The following PCDHAC1 variants were observed in gnomAD, a reference collection of about 807,000 sequenced individuals.
PCDHAC1 encodes protocadherin alpha-C1.
Under a neutral mutation model 60.0 loss-of-function variants are expected in PCDHAC1, and 42 were observed. The ratio of observed to expected loss-of-function variants is 0.70; its 90% confidence interval spans 0.55 to 0.90. The LOEUF (loss-of-function observed/expected upper bound fraction) is 0.90, where lower values mean the gene tolerates loss of function less well. Among genes scored for constraint, PCDHAC1 ranks in the 40% least tolerant of loss-of-function variants. PCDHAC1 has a pLI of 0.00. For missense variants in PCDHAC1, 1,160 were observed against 1,222.3 expected (o/e 0.95, Z 0.76); for synonymous variants, 468 against 499.3 (o/e 0.94, Z 0.84).
At chr5:140,982,807 G>A (rs2097006971) in intron 3 of PCDHAC1, among the ~76,000 whole-genome samples, 2 of 152,048 alleles carry the variant, frequency 1.3e-5, no homozygotes, top group South Asian at 4.1e-4. Flanking sequence ...GTGTGTGTGT[G>A]TGTATGAAGT....
intron 1 of PCDHAC1, among the ~76,000 whole-genome samples, chr5:140,945,947 A>C (rs2093865061): frequency 6.6e-6 from 1 of 152,132 alleles, no homozygotes; most frequent in Non-Finnish European, 1.5e-5. Flanking sequence ...TTTTTATATG[A>C]CCCTGAAAGC....
chr5:140,988,751 T>C (rs1433769306), intron 3 of PCDHAC1, among the ~76,000 whole-genome samples: 2 of 152,198 alleles, frequency 1.3e-5, no homozygotes, highest in Non-Finnish European at 2.9e-5. Flanking sequence ...ATTGGTGGCC[T>C]GGGCAGAATA....
intron 3 of PCDHAC1, among the ~76,000 whole-genome samples, chr5:140,984,358 A>G (rs1443365008): frequency 1.3e-5 from 2 of 152,234 alleles, no homozygotes; most frequent in Admixed American, 1.3e-4. Flanking sequence ...TATTTCATAC[A>G]TCTGGCCAAG....
rs1554206541 is a variant in PCDHAC1 at position 140,928,989 on chromosome 5, A to T, written c.2097A>T (p.Leu699Phe). Residue 699 changes from leucine (L) to phenylalanine (F), a missense_variant, in exon 1 of 4, where the codon TTA becomes TTT. By Grantham distance (22) the Leu-to-Phe change is conservative. Coordinates refer to ENST00000253807, the MANE Select transcript of PCDHAC1 (RefSeq NM_018898.5). ...TTTCCTTTTTATTTCTGGGGTGCTT[A>T]CTTTTCTTCGTGTGTACCAAGTTGC... ...ACISFLFLGC[L>F]LFFVCTKLHQ... 6.2e-7 allele frequency: 1 copy of T among 1,613,824 alleles called. No homozygotes were observed. Among genetic ancestry groups the T allele is most frequent in the Non-Finnish European group, 8.5e-7 (1 of 1,179,892 alleles).
Position 140,957,818 on chromosome 5 carries a change from A to T in PCDHAC1, c.2434-21131A>T, listed in dbSNP as rs568420954. On this transcript the variant is annotated intron_variant, in intron 1 of 3. Transcript: ENST00000253807. ...GTTAAGTAAAAAAAAGTCACAAATT[A>T]AGAGAAAGTGTTAATTGATTTGAGA... Among the ~76,000 whole-genome samples the T allele has an allele frequency of 9.3e-4, 141 of 151,940 alleles. 1 individual carries two copies. Among genetic ancestry groups the T allele is most frequent in the African/African-American group, 2.9e-3 (121 of 41,526 alleles).
rs782362205 is a variant in PCDHAC1 at position 141,009,960 on chromosome 5, A to G, written c.*23A>G. The G allele has an allele frequency of 6.3e-7, 1 of 1,589,232 alleles. No homozygotes were observed. The highest frequency in any genetic ancestry group is 2.2e-5 in the East Asian group (1 of 44,694). On this transcript the variant is annotated 3_prime_UTR_variant, in exon 4 of 4. Transcript: ENST00000253807. The stretch of plus-strand genomic sequence containing the variant: ...TGAGGTCCTCAAATGGAAACAAGCC[A>G]CTTAGCCAGTTTTTGTAATAATGGC...
intron 3 of PCDHAC1, among the ~76,000 whole-genome samples, chr5:140,997,376 C>T (rs1554255857): frequency 2.6e-5 from 4 of 152,144 alleles, no homozygotes. Flanking sequence ...GATGATATAG[C>T]ATACTACACA....
Position 140,927,688 on chromosome 5 carries a change from G to T in PCDHAC1, c.796G>T (p.Gly266Trp), listed in dbSNP as rs2084510856. 6.2e-7 allele frequency: 1 copy of T among 1,613,944 alleles called. No individual in the cohort carries two copies. Among genetic ancestry groups the T allele is most frequent in the African/African-American group, 1.3e-5 (1 of 74,934 alleles). ...CTTGGATCCAGATGAAGGGTCCAAT[G>T]GGGAAGTCCAGTACTCCCTAAGCAA... Reference protein sequence around the residue: ...QALDPDEGSNGEVQYSLSNST... With the variant: ...QALDPDEGSNWEVQYSLSNST... The change falls in exon 1 of 4, where the codon GGG (glycine) becomes TGG (tryptophan). Residue 266 changes from glycine (G) to tryptophan (W), a missense_variant. By Grantham distance (184) the Gly-to-Trp change is radical. This residue lies in a region of PCDHAC1 where 1,113 missense variants were observed against 1,163.7 expected (regional missense o/e 0.96). Transcript: ENST00000253807.
intron 3 of PCDHAC1, among the ~76,000 whole-genome samples, chr5:141,005,571 G>A (rs1053042213): frequency 4.0e-5 from 6 of 151,334 alleles, no homozygotes; most frequent in African/African-American, 4.9e-5. Context: ...GCATGGTGGC[G>A]CGTGCCTGTA....
chr5:141,010,129 G>A lies in PCDHAC1; in HGVS notation c.*192G>A, dbSNP rs781919488. The A allele has an allele frequency of 3.7e-6, 6 of 1,601,792 alleles. No individual in the cohort carries two copies. The highest frequency in any genetic ancestry group is 5.1e-6 in the Non-Finnish European group (6 of 1,173,386). On this transcript the variant is annotated 3_prime_UTR_variant, in exon 4 of 4. Coordinates refer to ENST00000253807, the MANE Select transcript of PCDHAC1 (RefSeq NM_018898.5). Reference sequence around the variant, plus strand: ...TGTCGTAAAAGCTTTACTAAGTCTGGTGTTAACTCTTTCTCTCCACTCTGG... The same window carrying A: ...TGTCGTAAAAGCTTTACTAAGTCTGATGTTAACTCTTTCTCTCCACTCTGG...
At chr5:141,000,857 A>G (rs1002294819) in intron 3 of PCDHAC1, among the ~76,000 whole-genome samples, 7 of 152,132 alleles carry the variant, frequency 4.6e-5, no homozygotes, top group African/African-American at 1.7e-4. Context: ...GCAGTCAGCC[A>G]TGACCTCACC....
chr5:140,930,591 CAT>C (rs1554207939), intron 1 of PCDHAC1: 1 of 152,406 alleles, frequency 6.6e-6, no homozygotes, highest in African/African-American at 2.4e-5. Flanking sequence ...TTTGACTTCT[CAT>C]AGAAATCCTA....
rs201991205 is a variant in PCDHAC1 at position 140,982,521 on chromosome 5, G to C, written c.2539G>C (p.Gly847Arg). ...TGGCATTCTACGGGCTGGTCCAGGAGGGCCTGATCAGCAGTGGCCAACAGT... is the reference window on the plus strand; with the variant it reads ...TGGCATTCTACGGGCTGGTCCAGGACGGCCTGATCAGCAGTGGCCAACAGT... ...EAGILRAGPG[G>R]PDQQWPTVSS... Residue 847 changes from glycine to arginine, a missense_variant, in exon 3 of 4, where the codon GGG becomes CGG. Gly to Arg is a moderately radical substitution (Grantham distance 125). Around this residue, in one of 3 missense-constraint regions of PCDHAC1, gnomAD observed 1,113 missense variants for 1,163.7 expected, o/e 0.96. Coordinates refer to ENST00000253807, the MANE Select transcript of PCDHAC1 (RefSeq NM_018898.5). The C allele has an allele frequency of 9.3e-6, 15 of 1,614,216 alleles. No individual in the cohort carries two copies. In the Admixed American group the frequency reaches 2.3e-4, roughly 25 times the overall value.
chr5:140,969,803 T>G, intron 1 of PCDHAC1, among the ~76,000 whole-genome samples: 1 of 152,248 alleles, frequency 6.6e-6, no homozygotes, highest in South Asian at 2.1e-4. Context: ...ATCTGCTGTC[T>G]CTGTTTATAC....
chr5:140,942,796 G>C (rs2093370095), intron 1 of PCDHAC1, among the ~76,000 whole-genome samples: 1 of 152,002 alleles, frequency 6.6e-6, no homozygotes, highest in Non-Finnish European at 1.5e-5. Flanking sequence ...ACAAAGGCAT[G>C]TTTTCCACAA....
chr5:140,982,687 C>T (rs2096996612), intron 3 of PCDHAC1, 124 bp downstream of exon 3: 1 of 1,415,822 alleles, frequency 7.1e-7, no homozygotes, highest in Non-Finnish European at 9.3e-7. Flanking sequence ...CCCTTTTTTC[C>T]ATACATACAT....
chr5:140,967,747 A>C, intron 1 of PCDHAC1: 1 of 1,614,160 alleles, frequency 6.2e-7, no homozygotes, highest in Non-Finnish European at 8.5e-7. Context: ...ATTATGAGGA[A>C]GCCTCCTCCT....
chr5:141,006,180 A>C (rs1554260594), intron 3 of PCDHAC1, among the ~76,000 whole-genome samples: 5 of 150,546 alleles, frequency 3.3e-5, no homozygotes, highest in Non-Finnish European at 7.4e-5. Context: ...TTTTTAAAAG[A>C]GTTTGCTATA....
intron 3 of PCDHAC1, among the ~76,000 whole-genome samples, chr5:140,999,693 A>AT (rs202183337): frequency 0.011 from 1,632 of 151,520 alleles, 13 homozygotes; most frequent in Middle Eastern, 0.058. Flanking sequence ...AAGAAATGTG[A>AT]TTTTTTTTTA....
Sources: allele counts gnomAD v4.1 joint callset (sites outside exome capture counted in the v4.1 genomes callset), GRCh38; gene constraint gnomAD v4.1.1; regional missense constraint gnomAD v4.1.1; transcripts MANE v1.5; gene names NCBI Gene and HGNC (gene_info 2026-07-23, HGNC 2026-07-21).